Variants in MYH11 observed in about 807,000 individuals in gnomAD.
MYH11 encodes the protein myosin heavy chain 11, also known as myosin-11.
Under a neutral mutation model 246.6 loss-of-function variants are expected in MYH11, and 80 were observed. That is an observed-to-expected ratio of 0.32 (90% CI 0.27 to 0.39). The LOEUF (loss-of-function observed/expected upper bound fraction) is 0.39. MYH11 is among the 10% of genes least tolerant of loss of function. MYH11 has a pLI of 1.00. For missense variants in MYH11, 2,158 were observed against 2,546.8 expected (o/e 0.85, Z 3.29); for synonymous variants, 1,071 against 1,015.5 (o/e 1.05, Z -1.04).
chr16:15,762,848 G>A (rs1190954155), intron 10 of MYH11, among the ~76,000 whole-genome samples: 1 of 152,200 alleles, frequency 6.6e-6, no homozygotes, highest in Non-Finnish European at 1.5e-5. Flanking sequence ...AACCCAGTAA[G>A]CGGTTGCAAC....
Position 15,748,169 on chromosome 16 carries a change from C to T in MYH11, c.2059-1G>A, listed in dbSNP as rs2041472207. On this transcript the variant is annotated splice_acceptor_variant, in intron 16 of 40. Coordinates refer to ENST00000300036, the MANE Select transcript of MYH11 (RefSeq NM_002474.3). LOFTEE classifies it high-confidence loss of function. ...CCAGGAACGCATCCAGCTTGCCGGA[C>T]TGCAAAGGTCAAAGAGGGCAGTGGA... 6 of 1,613,518 alleles carry T rather than the reference C, an allele frequency of 3.7e-6. No individual in the cohort carries two copies. Among genetic ancestry groups the T allele is most frequent in the Admixed American group, 1.7e-5 (1 of 60,010 alleles).
chr16:15,716,986 G>A (rs1048690292), intron 38 of MYH11, among the ~76,000 whole-genome samples, 154 bp downstream of exon 38: 9 of 152,180 alleles, frequency 5.9e-5, no homozygotes, highest in African/African-American at 1.2e-4. Flanking sequence ...CTGTGTTTAC[G>A]TTCAGTTCTC....
chr16:15,846,886 C>T (rs903633337), intron 1 of MYH11, among the ~76,000 whole-genome samples: 4 of 152,066 alleles, frequency 2.6e-5, no homozygotes, highest in East Asian at 1.9e-4. Context: ...CTCAGGAGGT[C>T]GGGGATGCAG....
intron 27 of MYH11, 129 bp downstream of exon 27, chr16:15,732,435 C>T: frequency 1.5e-6 from 2 of 1,352,330 alleles, no homozygotes; most frequent in East Asian, 2.3e-5. Flanking sequence ...ATATAAGCTG[C>T]TATCATCATC....
chr16:15,781,851 G>GAA (rs34331090), intron 6 of MYH11, among the ~76,000 whole-genome samples: 4 of 151,870 alleles, frequency 2.6e-5, no homozygotes, highest in Non-Finnish European at 4.4e-5. Context: ...CAGCAAATGA[G>GAA]AAAAAAACAA....
In MYH11 at chr16:15,714,893, G is replaced by T; in HGVS notation, c.5786+16C>A. ...GGCCTGAGAGACGGGGTCCTCCCGG[G>T]CCACGGGCTCCTCACCTGAGCTTGC... On this transcript the variant is annotated intron_variant, in intron 40 of 40. Transcript: ENST00000300036. 6.2e-7 allele frequency: 1 copy of T among 1,612,830 alleles called. No homozygotes were observed. The highest frequency in any genetic ancestry group is 8.5e-7 in the Non-Finnish European group (1 of 1,179,952).
chr16:15,846,413 G>A (rs987897768), intron 1 of MYH11, among the ~76,000 whole-genome samples: 11 of 152,166 alleles, frequency 7.2e-5, no homozygotes, highest in South Asian at 6.2e-4. Flanking sequence ...ATTAATCTAC[G>A]GTGATAGAAC....
intron 4 of MYH11, among the ~76,000 whole-genome samples, chr16:15,787,102 C>T (rs774790660): frequency 5.2e-4 from 79 of 150,764 alleles, no homozygotes; most frequent in Admixed American, 2.1e-3. Context: ...GAGACACTGC[C>T]TCTAGAAAAA....
intron 5 of MYH11, 89 bp downstream of exon 5, chr16:15,786,541 G>A: frequency 5.6e-6 from 7 of 1,246,674 alleles, no homozygotes; most frequent in Non-Finnish European, 8.3e-6. Flanking sequence ...CTGAGTTCTT[G>A]CAATGATGTT....
At chr16:15,848,108 T>A (rs923246098) in intron 1 of MYH11, among the ~76,000 whole-genome samples, 2 of 152,178 alleles carry the variant, frequency 1.3e-5, no homozygotes, top group Non-Finnish European at 2.9e-5. Flanking sequence ...AAACAACATT[T>A]AGCCACAGAT....
At chr16:15,727,690 A>G (rs1307727119) in intron 27 of MYH11, among the ~76,000 whole-genome samples, 1 of 152,212 alleles carries the variant, frequency 6.6e-6, no homozygotes, top group African/African-American at 2.4e-5. Flanking sequence ...TTAATGTTTG[A>G]AGGCATGCCA....
chr16:15,717,529 G>A (rs556856446), intron 37 of MYH11, 181 bp from the exon 38 acceptor site: 146 of 642,528 alleles, frequency 2.3e-4, no homozygotes, highest in Non-Finnish European at 3.4e-4. Context: ...GCGTGGTGGC[G>A]CACGCCTGTA....
chr16:15,768,033 C>G (rs2042022190), intron 9 of MYH11, among the ~76,000 whole-genome samples: 1 of 152,200 alleles, frequency 6.6e-6, no homozygotes, highest in African/African-American at 2.4e-5. Context: ...TTGCCTTGGC[C>G]TCCCAAAGTG....
At chr16:15,781,499 T>A (rs77298977) in intron 6 of MYH11, among the ~76,000 whole-genome samples, 3,946 of 152,310 alleles carry the variant, frequency 0.026, 72 homozygotes, top group East Asian at 0.13. Context: ...CCCCTTCTCC[T>A]GGAATGCAGA....
intron 5 of MYH11, chr16:15,786,236 C>T (rs905365272): frequency 1.4e-5 from 5 of 369,512 alleles, no homozygotes; most frequent in African/African-American, 8.4e-5. Flanking sequence ...AGGGGGCTGT[C>T]GGCATCTGGC....
intron 1 of MYH11, among the ~76,000 whole-genome samples, chr16:15,855,013 C>T (rs78802015): frequency 0.019 from 2,888 of 152,182 alleles, 85 homozygotes; most frequent in African/African-American, 0.058. Context: ...GGGTAACTGA[C>T]GAGGGGGCCG....
At chr16:15,846,945 C>A (rs1022469917) in intron 1 of MYH11, among the ~76,000 whole-genome samples, 2 of 151,998 alleles carry the variant, frequency 1.3e-5, no homozygotes, top group Non-Finnish European at 2.9e-5. Flanking sequence ...CAGAGTGAGA[C>A]CCCCATCTAT....
intron 40 of MYH11, chr16:15,714,380 C>T (rs769185955): frequency 1.2e-5 from 2 of 173,262 alleles, no homozygotes; most frequent in Non-Finnish European, 2.5e-5. Flanking sequence ...ACTACTGCAG[C>T]CGGTGGGTAG....
intron 40 of MYH11, among the ~76,000 whole-genome samples, chr16:15,706,069 A>G (rs1309139344): frequency 6.6e-6 from 1 of 150,454 alleles, no homozygotes; most frequent in African/African-American, 2.4e-5. Context: ...TTGTTGACAG[A>G]GGATGGGAGA....
Sources: gnomAD v4.1 joint callset for allele counts (sites outside exome capture counted in the v4.1 genomes callset) on GRCh38, gnomAD v4.1.1 for gene constraint, MANE v1.5 for transcripts, NCBI Gene and HGNC (gene_info 2026-07-23, HGNC 2026-07-21) for gene names.